ADAT1: variants seen among roughly 807,000 people sequenced by gnomAD.
ADAT1 encodes the protein tRNA-specific adenosine deaminase 1.
Under a neutral mutation model 58.6 loss-of-function variants are expected in ADAT1, and 58 were observed. That is an observed-to-expected ratio of 0.99 (90% CI 0.80 to 1.23). ADAT1 has a LOEUF of 1.23. Ranked by LOEUF, ADAT1 falls within the 50% of genes most tolerant of loss-of-function variation. The probability of loss-of-function intolerance (pLI) is 0.00; values close to 1 mark genes in which losing one functional copy is unlikely to be tolerated. For synonymous variants in ADAT1, 254 were observed against 220.8 expected (o/e 1.15, Z -1.33); for missense variants, 741 against 608.6 (o/e 1.22, Z -2.29).
intron 5 of ADAT1, among the ~76,000 whole-genome samples, chr16:75,616,616 T>C (rs1208014794): frequency 1.3e-5 from 2 of 152,176 alleles, no homozygotes; most frequent in African/African-American, 4.8e-5. Context: ...TATGCAACCA[T>C]AGCACCTGAA....
chr16:75,612,598 T>A lies in ADAT1; in HGVS notation c.688A>T (p.Ile230Phe), dbSNP rs2081579156. 1 of 1,614,136 alleles carries A rather than the reference T, an allele frequency of 6.2e-7. No individual in the cohort carries two copies. The highest frequency in any genetic ancestry group is 1.3e-5 in the African/African-American group (1 of 75,024). ...TCTACAGTGAGATCACAGCTGTGGATGCCTGGTGAGATTGGGCCACTTTTC... is the reference window on the plus strand; with the variant it reads ...TCTACAGTGAGATCACAGCTGTGGAAGCCTGGTGAGATTGGGCCACTTTTC... The part of the protein sequence containing the change: ...KQKSGPISPG[I>F]HSCDLTVEGL... The change falls in exon 6 of 10, where the codon ATC becomes TTC. Residue 230 changes from isoleucine (I) to phenylalanine (F), a missense_variant. By Grantham distance (21) the Ile-to-Phe change is conservative. Coordinates refer to ENST00000564657, the MANE Select transcript of ADAT1 (RefSeq NM_001324445.2).
intron 5 of ADAT1, among the ~76,000 whole-genome samples, chr16:75,616,648 A>C (rs535283554): frequency 2.3e-4 from 35 of 152,158 alleles, no homozygotes; most frequent in Non-Finnish European, 3.4e-4. Context: ...AACCCACCAA[A>C]ATTTACCCTA....
chr16:75,601,353 A>T (rs986291683), intron 9 of ADAT1, among the ~76,000 whole-genome samples: 1 of 152,130 alleles, frequency 6.6e-6, no homozygotes, highest in East Asian at 1.9e-4. Context: ...AAAAAAAAAA[A>T]ATACAGTAAC....
At chr16:75,618,419 T>A (rs998655166) in intron 4 of ADAT1, among the ~76,000 whole-genome samples, 167 bp downstream of exon 4, 1 of 151,566 alleles carries the variant, frequency 6.6e-6, no homozygotes, top group South Asian at 2.1e-4. Flanking sequence ...GGCAGGAGAA[T>A]TGCTTGAACC....
chr16:75,604,516 CACATAT>C (rs1343905780), intron 8 of ADAT1, among the ~76,000 whole-genome samples: 21 of 120,706 alleles, frequency 1.7e-4, no homozygotes, highest in East Asian at 8.0e-4. Flanking sequence ...CACACACACA[CACATAT>C]ATACATATAT....
chr16:75,608,289 C>T lies in ADAT1; in HGVS notation c.1224G>A (p.Leu408=). The change falls in exon 8 of 10, where the codon TTG becomes TTA. Residue 408 remains leucine, a synonymous_variant. Transcript: ENST00000564657. ...ISWSAVPEQP[L]DVTANGFPQG... ...GTGGAAAGCCATTGGCAGTAACATC[C>T]AAAGGCTGCTCAGGAACTGCACTCC... 2 of 1,614,054 alleles carry T rather than the reference C, an allele frequency of 1.2e-6. No homozygotes were observed. The highest frequency in any genetic ancestry group is 2.2e-5 in the South Asian group (2 of 91,080).
Position 75,612,805 on chromosome 16 carries a change from C to T in ADAT1, c.481G>A (p.Val161Ile). The T allele has an allele frequency of 1.2e-6, 2 of 1,614,084 alleles. No homozygotes were observed. The highest frequency in any genetic ancestry group is 1.1e-5 in the South Asian group (1 of 91,086). ...LEFEDQPCCP[V>I]FRNWAHNSSV... ...GAGTTGTGGGCCCAATTTCTGAAGA[C>T]AGGACAGCAAGGCTGATCTTCAAAC... Residue 161 changes from valine to isoleucine, a missense_variant, in exon 6 of 10, where the codon GTC becomes ATC. Coordinates refer to ENST00000564657, the MANE Select transcript of ADAT1 (RefSeq NM_001324445.2).
At chr16:75,609,418 T>C (rs1426085064) in intron 6 of ADAT1, among the ~76,000 whole-genome samples, 4 of 152,078 alleles carry the variant, frequency 2.6e-5, no homozygotes, top group Non-Finnish European at 5.9e-5. Flanking sequence ...GATGCTGGTC[T>C]AGAATGAAGC....
rs773505801 is a variant in ADAT1 at position 75,612,472 on chromosome 16, C to T, written c.814G>A (p.Gly272Arg). 50 of 1,614,102 alleles carry T rather than the reference C, an allele frequency of 3.1e-5. No homozygotes were observed. Among genetic ancestry groups the T allele is most frequent in the African/African-American group, 4.0e-5 (3 of 74,950 alleles). Residue 272 changes from glycine to arginine, a missense_variant, in exon 6 of 10, where the codon GGA becomes AGA. By Grantham distance (125) the Gly-to-Arg change is moderately radical. Transcript: ENST00000564657. ...KCVPGEAGDSGKPGAAFHQVG... is the reference protein window; with the variant it reads ...KCVPGEAGDSRKPGAAFHQVG... Reference sequence around the variant, plus strand: ...TGGTGAAACGCAGCACCCGGCTTTCCGGAGTCTCCAGCTTCTCCAGGTACA... The same window carrying T: ...TGGTGAAACGCAGCACCCGGCTTTCTGGAGTCTCCAGCTTCTCCAGGTACA...
At chr16:75,621,563 A>AT (rs1311253653) in intron 1 of ADAT1, among the ~76,000 whole-genome samples, 1 of 152,214 alleles carries the variant, frequency 6.6e-6, no homozygotes, top group African/African-American at 2.4e-5. Flanking sequence ...TGAGGGTTAA[A>AT]TAAGTAATAC....
chr16:75,622,347 C>A (rs2081958484), intron 1 of ADAT1, 56 bp downstream of exon 1: 1 of 152,228 alleles, frequency 6.6e-6, no homozygotes, highest in South Asian at 2.1e-4. Context: ...CCAGGGCAAG[C>A]CTTGTCAAGA....
rs1732856241 is a variant in ADAT1 at position 75,598,923 on chromosome 16, A to G, written c.*1293T>C. 9.1e-6 allele frequency: 9 copies of G among 985,262 alleles called. No homozygotes were observed. The highest frequency in any genetic ancestry group is 1.1e-5 in the Non-Finnish European group (9 of 829,920). The allele number at this position is 985,262 out of a possible 1,614,324, so 61.0% of individuals were successfully genotyped here. On this transcript the variant is annotated 3_prime_UTR_variant, in exon 10 of 10. Coordinates refer to ENST00000564657, the MANE Select transcript of ADAT1 (RefSeq NM_001324445.2). ...AAATATTTATAGCCACAAAATGCTG[A>G]AGAACCAATAAGGACCTTGAGTAAC...
chr16:75,615,093 G>A (rs1056463684), intron 5 of ADAT1, among the ~76,000 whole-genome samples: 4 of 151,858 alleles, frequency 2.6e-5, no homozygotes, highest in African/African-American at 9.7e-5. Context: ...CGGGCGTGGT[G>A]GCGCATGCCT....
At chr16:75,616,069 C>G (rs904249820) in intron 5 of ADAT1, among the ~76,000 whole-genome samples, 10 of 151,126 alleles carry the variant, frequency 6.6e-5, no homozygotes. Context: ...AGTGCAACGG[C>G]GCAATCTCGG....
At chr16:75,614,950 C>T (rs1052178916) in intron 5 of ADAT1, among the ~76,000 whole-genome samples, 10 of 152,078 alleles carry the variant, frequency 6.6e-5, no homozygotes, top group East Asian at 1.9e-4. Context: ...ACCGGCCAGG[C>T]GCAGTGGTTC....
intron 5 of ADAT1, among the ~76,000 whole-genome samples, chr16:75,613,338 G>C (rs1318741040): frequency 6.6e-6 from 1 of 152,170 alleles, no homozygotes; most frequent in Non-Finnish European, 1.5e-5. Context: ...GTCTGGCTCT[G>C]TTGCCCAGGC....
At chr16:75,614,560 T>C (rs974255266) in intron 5 of ADAT1, among the ~76,000 whole-genome samples, 22 of 148,776 alleles carry the variant, frequency 1.5e-4, no homozygotes, top group Non-Finnish European at 2.8e-4. Context: ...TCTGGAGAGG[T>C]TGGCTGGCTG....
intron 8 of ADAT1, among the ~76,000 whole-genome samples, chr16:75,607,501 C>CA (rs200929671): frequency 0.26 from 26,185 of 101,878 alleles, 3,504 homozygotes; most frequent in East Asian, 0.72. Context: ...GACTCTATCT[C>CA]AAAAAAAAAA....
In ADAT1 at chr16:75,612,858, C is replaced by T. The variant is rs774418410; in HGVS notation, c.428G>A (p.Gly143Glu). The change falls in exon 6 of 10, where the codon GGG (glycine) becomes GAG (glutamate). Residue 143 changes from glycine (G) to glutamate (E), a missense_variant. Coordinates refer to ENST00000564657, the MANE Select transcript of ADAT1 (RefSeq NM_001324445.2). ...FVFFSSHTPC[G>E]DASIIPMLEF... ...AAGCATCGGAATGATGGAGGCATCCCCACCTGCAGAGAATGAACCCACTTA... is the reference window on the plus strand; with the variant it reads ...AAGCATCGGAATGATGGAGGCATCCTCACCTGCAGAGAATGAACCCACTTA... The T allele has an allele frequency of 2.5e-6, 4 of 1,612,778 alleles. No individual in the cohort carries two copies. Among genetic ancestry groups the T allele is most frequent in the Admixed American group, 3.3e-5 (2 of 59,746 alleles).
Sources: gnomAD v4.1 joint callset for allele counts (sites outside exome capture counted in the v4.1 genomes callset) on GRCh38, gnomAD v4.1.1 for gene constraint, MANE v1.5 for transcripts, NCBI Gene and HGNC (gene_info 2026-07-23, HGNC 2026-07-21) for gene names.